Variants in SMARCC1 observed in about 807,000 individuals in gnomAD.
SMARCC1 encodes the protein SWI/SNF related BAF chromatin remodeling complex subunit C1, also known as SWI/SNF complex subunit SMARCC1.
SMARCC1 carries 43 observed loss-of-function variants against 147.4 expected under a neutral mutation model. That is an observed-to-expected ratio of 0.29 (90% CI 0.23 to 0.38). The LOEUF (loss-of-function observed/expected upper bound fraction) is 0.38, where lower values mean the gene tolerates loss of function less well. Among genes scored for constraint, SMARCC1 ranks in the 10% least tolerant of loss-of-function variants. The pLI, the probability that SMARCC1 is intolerant of heterozygous loss-of-function variation, is 1.00. For synonymous variants in SMARCC1, 495 were observed against 484.4 expected (o/e 1.02, Z -0.29); for missense variants, 1,119 against 1,381.1 (o/e 0.81, Z 3.01).
intron 24 of SMARCC1, 126 bp downstream of exon 24, chr3:47,635,064 T>C (rs1271016272): frequency 6.5e-6 from 5 of 769,198 alleles, no homozygotes; most frequent in Non-Finnish European, 8.5e-6. Context: ...AACCTAGAAA[T>C]GCCATTCAAG....
At chr3:47,659,818 A>G (rs898501198) in intron 21 of SMARCC1, among the ~76,000 whole-genome samples, 5 of 148,150 alleles carry the variant, frequency 3.4e-5, no homozygotes, top group African/African-American at 1.2e-4. Context: ...AAAATGGCCA[A>G]TAAACACATG....
At chr3:47,776,043 G>A (rs565725627) in intron 1 of SMARCC1, among the ~76,000 whole-genome samples, 62 of 152,038 alleles carry the variant, frequency 4.1e-4, no homozygotes, top group Admixed American at 7.2e-4. Flanking sequence ...AGCTGCTTGG[G>A]AGGCTGAGGC....
chr3:47,629,059 C>A (rs1274556712), intron 24 of SMARCC1, among the ~76,000 whole-genome samples: 3 of 152,146 alleles, frequency 2.0e-5, no homozygotes, highest in Non-Finnish European at 4.4e-5. Context: ...AACAATTCTG[C>A]GAGTAGGACT....
chr3:47,692,822 A>G (rs1409709583), intron 12 of SMARCC1, among the ~76,000 whole-genome samples: 1 of 152,122 alleles, frequency 6.6e-6, no homozygotes, highest in Non-Finnish European at 1.5e-5. Context: ...GGAGTTCGAG[A>G]CAGGCCTGAA....
At chr3:47,730,692 G>A (rs544082989) in intron 5 of SMARCC1, among the ~76,000 whole-genome samples, 3 of 151,858 alleles carry the variant, frequency 2.0e-5, no homozygotes, top group African/African-American at 7.2e-5. Flanking sequence ...GTGGTGAAAC[G>A]CGTGTCTATT....
chr3:47,766,635 C>A (rs1340606842), intron 2 of SMARCC1, among the ~76,000 whole-genome samples: 1 of 152,182 alleles, frequency 6.6e-6, no homozygotes, highest in African/African-American at 2.4e-5. Flanking sequence ...TATGTATGCA[C>A]ACGTACTAAA....
intron 9 of SMARCC1, among the ~76,000 whole-genome samples, chr3:47,709,170 A>C (rs1188235787): frequency 6.6e-6 from 1 of 151,830 alleles, no homozygotes; most frequent in African/African-American, 2.4e-5. Flanking sequence ...CTGAGGCAGG[A>C]GAATTACTTG....
intron 2 of SMARCC1, among the ~76,000 whole-genome samples, chr3:47,754,357 C>T (rs2034663201): frequency 6.6e-6 from 1 of 152,034 alleles, no homozygotes; most frequent in African/African-American, 2.4e-5. Flanking sequence ...CGCGCACCAC[C>T]ACGCCCAGCT....
chr3:47,633,494 A>G (rs2032920025), intron 24 of SMARCC1, among the ~76,000 whole-genome samples: 1 of 151,978 alleles, frequency 6.6e-6, no homozygotes, highest in African/African-American at 2.4e-5. Flanking sequence ...CTGTAATATC[A>G]GCACTTTGGG....
chr3:47,648,623 A>G (rs1481938963), intron 21 of SMARCC1, among the ~76,000 whole-genome samples: 1 of 151,938 alleles, frequency 6.6e-6, no homozygotes, highest in African/African-American at 2.4e-5. Flanking sequence ...CAGACTCCTT[A>G]GCCCAAATGA....
At chr3:47,726,712 A>T (rs2034304326) in intron 6 of SMARCC1, among the ~76,000 whole-genome samples, 1 of 152,258 alleles carries the variant, frequency 6.6e-6, no homozygotes, top group Non-Finnish European at 1.5e-5. Context: ...TACACTAAGC[A>T]AAACAAATTA....
chr3:47,760,647 G>A (rs1215674914), intron 2 of SMARCC1, among the ~76,000 whole-genome samples: 1 of 152,168 alleles, frequency 6.6e-6, no homozygotes, highest in African/African-American at 2.4e-5. Flanking sequence ...CTGGGCAACT[G>A]AGCAAGACTC....
intron 8 of SMARCC1, 136 bp from the exon 9 acceptor site, chr3:47,710,944 T>A (rs1576418822): frequency 1.8e-6 from 1 of 561,172 alleles, no homozygotes; most frequent in East Asian, 3.2e-5. Flanking sequence ...ATACTACTAA[T>A]GATATGTGAG....
At chr3:47,744,380 G>C (rs1013578387) in intron 3 of SMARCC1, among the ~76,000 whole-genome samples, 1 of 151,988 alleles carries the variant, frequency 6.6e-6, no homozygotes, top group Admixed American at 6.6e-5. Context: ...CCTGACCTCA[G>C]GTGATCCAAA....
Position 47,673,397 on chromosome 3 carries a change from G to C in SMARCC1, c.1839+2078C>G, listed in dbSNP as rs1221950679. On this transcript the variant is annotated intron_variant, in intron 18 of 27. Transcript: ENST00000254480. ...CGAGACTCTGTCTCAAAAAAAAAAG[G>C]GTGGGGGGGGGGCAGGCCAGTGGCT... Among the ~76,000 whole-genome samples the C allele has an allele frequency of 7.6e-5, 10 of 131,530 alleles. 1 individual carries two copies. The highest frequency in any genetic ancestry group is 2.1e-4 in the African/African-American group (7 of 34,074). The allele number at this position is 131,530 out of a possible 152,430, so 86.3% of individuals were successfully genotyped here. A position where few individuals can be genotyped will look rare whatever the true frequency, so the allele number is the denominator to read the frequency against.
Position 47,588,163 on chromosome 3 carries a change from C to T in SMARCC1, c.*46G>A, listed in dbSNP as rs989408038. 2 of 1,454,940 alleles carry T rather than the reference C, an allele frequency of 1.4e-6. No individual in the cohort carries two copies. The highest frequency in any genetic ancestry group is 1.4e-5 in the African/African-American group (1 of 71,014). The allele number at this position is 1,454,940 out of a possible 1,614,324, so 90.1% of individuals were successfully genotyped here. On this transcript the variant is annotated 3_prime_UTR_variant, in exon 28 of 28. Coordinates refer to ENST00000254480, the MANE Select transcript of SMARCC1 (RefSeq NM_003074.4). ...AGGAACACAAGTCTTGTCATCCCCACTCCAGCTCATGGTGGTGGGCGTGGA... is the reference window on the plus strand; with the variant it reads ...AGGAACACAAGTCTTGTCATCCCCATTCCAGCTCATGGTGGTGGGCGTGGA...
chr3:47,745,447 T>G (rs893003645), intron 3 of SMARCC1, among the ~76,000 whole-genome samples: 4 of 152,050 alleles, frequency 2.6e-5, no homozygotes, highest in African/African-American at 9.7e-5. Flanking sequence ...GTGCGGTGGC[T>G]CACGCCTGTA....
At chr3:47,777,580 T>C (rs1166360223) in intron 1 of SMARCC1, among the ~76,000 whole-genome samples, 2 of 151,878 alleles carry the variant, frequency 1.3e-5, no homozygotes, top group Non-Finnish European at 2.9e-5. Context: ...TAGGCTGGAG[T>C]GCAATGGCCC....
At chr3:47,619,509 G>A (rs967242669) in intron 25 of SMARCC1, among the ~76,000 whole-genome samples, 4 of 152,216 alleles carry the variant, frequency 2.6e-5, no homozygotes, top group Non-Finnish European at 4.4e-5. Context: ...GACTGCAGGA[G>A]GTAGGCAAAA....
Sources: allele counts gnomAD v4.1 joint callset (sites outside exome capture counted in the v4.1 genomes callset), GRCh38; gene constraint gnomAD v4.1.1; transcripts MANE v1.5; gene names NCBI Gene and HGNC (gene_info 2026-07-23, HGNC 2026-07-21).